Variants in PARD3 observed in about 807,000 individuals in gnomAD.
PARD3 encodes partitioning defective 3 homolog.
Under a neutral mutation model 155.4 loss-of-function variants are expected in PARD3, and 75 were observed. That is an observed-to-expected ratio of 0.48 (90% CI 0.40 to 0.58). The LOEUF is 0.58. PARD3 is among the 20% of genes least tolerant of loss of function. PARD3 has a pLI of 0.00. For missense variants in PARD3, 1,642 were observed against 1,721.7 expected (o/e 0.95, Z 0.82); for synonymous variants, 576 against 610.5 (o/e 0.94, Z 0.83).
intron 21 of PARD3, among the ~76,000 whole-genome samples, chr10:34,279,238 C>G (rs1956046462): frequency 1.4e-5 from 2 of 145,204 alleles, no homozygotes; most frequent in African/African-American, 2.5e-5. Context: ...CAGCCTCGAA[C>G]TCCTGGGCTG....
chr10:34,679,645 C>T (rs1295884625), intron 2 of PARD3, among the ~76,000 whole-genome samples: 1 of 152,168 alleles, frequency 6.6e-6, no homozygotes, highest in Non-Finnish European at 1.5e-5. Flanking sequence ...TGGAACGCCA[C>T]CTCCCATGTC....
intron 1 of PARD3, among the ~76,000 whole-genome samples, chr10:34,771,513 G>A (rs1372451147): frequency 2.0e-5 from 3 of 152,218 alleles, no homozygotes; most frequent in African/African-American, 4.8e-5. Context: ...TTCTGTCAGC[G>A]TGTTAATGCA....
At chr10:34,670,936 C>A (rs1484147019) in intron 2 of PARD3, among the ~76,000 whole-genome samples, 2 of 152,222 alleles carry the variant, frequency 1.3e-5, no homozygotes, top group African/African-American at 4.8e-5. Flanking sequence ...CATTTTACAA[C>A]TGATTACTTC....
chr10:34,802,411 GAGAA>G (rs1842906119), intron 1 of PARD3, among the ~76,000 whole-genome samples: 1 of 152,116 alleles, frequency 6.6e-6, no homozygotes, highest in African/African-American at 2.4e-5. Context: ...GAAACTTGAA[GAGAA>G]AGAAAAAGAT....
chr10:34,628,175 G>A (rs1469396409), intron 2 of PARD3, among the ~76,000 whole-genome samples: 2 of 152,172 alleles, frequency 1.3e-5, no homozygotes, highest in East Asian at 1.9e-4. Flanking sequence ...TTCCTGTTGA[G>A]AGATACTGCA....
At chr10:34,189,714 C>A (rs1454441326) in intron 22 of PARD3, among the ~76,000 whole-genome samples, 7 of 152,230 alleles carry the variant, frequency 4.6e-5, no homozygotes, top group Non-Finnish European at 8.8e-5. Flanking sequence ...GTGAGCTGAA[C>A]TAGCCACCTG....
chr10:34,225,345 T>C (rs575931639), intron 22 of PARD3, among the ~76,000 whole-genome samples: 9 of 147,108 alleles, frequency 6.1e-5, no homozygotes, highest in Admixed American at 4.0e-4. Flanking sequence ...CTAGTTTTTT[T>C]TCTCTTTTTT....
At chr10:34,208,949 ACCT>A (rs1951611412) in intron 22 of PARD3, among the ~76,000 whole-genome samples, 5 of 152,226 alleles carry the variant, frequency 3.3e-5, no homozygotes, top group Admixed American at 3.3e-4. Flanking sequence ...GAATTTAAAT[ACCT>A]CAAGTTCTTT....
chr10:34,799,800 G>A (rs1842674445), intron 1 of PARD3, among the ~76,000 whole-genome samples: 1 of 149,540 alleles, frequency 6.7e-6, no homozygotes, highest in African/African-American at 2.5e-5. Flanking sequence ...AGATCAGCTT[G>A]TGCAGTAAAG....
intron 1 of PARD3, among the ~76,000 whole-genome samples, chr10:34,788,377 T>A (rs979652093): frequency 6.6e-6 from 1 of 151,780 alleles, no homozygotes; most frequent in African/African-American, 2.4e-5. Context: ...ACACCTGATA[T>A]AAGATCAGCC....
chr10:34,253,428 T>C (rs921187249), intron 22 of PARD3, among the ~76,000 whole-genome samples: 3 of 152,158 alleles, frequency 2.0e-5, no homozygotes, highest in South Asian at 2.1e-4. Flanking sequence ...ATTAAAGACA[T>C]TGATATTCTG....
At chr10:34,797,853 CTAAA>C (rs1469282765) in intron 1 of PARD3, among the ~76,000 whole-genome samples, 1 of 152,144 alleles carries the variant, frequency 6.6e-6, no homozygotes, top group Non-Finnish European at 1.5e-5. Context: ...GAGTCAACAG[CTAAA>C]ACCTAAGGAT....
chr10:34,482,633 A>T (rs986704793), intron 3 of PARD3, among the ~76,000 whole-genome samples: 3 of 152,220 alleles, frequency 2.0e-5, no homozygotes, highest in African/African-American at 7.2e-5. Context: ...AGGTATTTAC[A>T]TACCTGGTAC....
chr10:34,323,755 T>C (rs528148094), intron 19 of PARD3, among the ~76,000 whole-genome samples: 2 of 152,216 alleles, frequency 1.3e-5, no homozygotes, highest in Non-Finnish European at 2.9e-5. Context: ...GTCACCTCCA[T>C]TATCCCTCCC....
intron 4 of PARD3, among the ~76,000 whole-genome samples, chr10:34,465,799 T>C (rs1201301145): frequency 6.6e-6 from 1 of 152,116 alleles, no homozygotes; most frequent in African/African-American, 2.4e-5. Flanking sequence ...AACTGCACAG[T>C]GAAATAGTCC....
chr10:34,174,378 G>T (rs886764178), intron 22 of PARD3, among the ~76,000 whole-genome samples: 1 of 152,100 alleles, frequency 6.6e-6, no homozygotes, highest in African/African-American at 2.4e-5. Context: ...CACATAAGCA[G>T]GTAAGTAGTT....
chr10:34,317,488 A>G (rs907775181), intron 19 of PARD3, 150 bp from the exon 20 acceptor site: 24 of 819,250 alleles, frequency 2.9e-5, no homozygotes, highest in Non-Finnish European at 4.4e-5. Context: ...TTTAACTTTG[A>G]GTAGAATTAA....
At chr10:34,579,595 T>TGTGTGTGTGTGTGTGTG (rs1590094034) in intron 2 of PARD3, among the ~76,000 whole-genome samples, 1 of 150,726 alleles carries the variant, frequency 6.6e-6, no homozygotes, top group African/African-American at 2.5e-5. Flanking sequence ...TGTGTGTGTG[T>TGTGTGTGTGTGTGTGTG]TTTGACACGG....
intron 19 of PARD3, among the ~76,000 whole-genome samples, chr10:34,323,628 T>C (rs1052448486): frequency 5.9e-5 from 9 of 152,246 alleles, no homozygotes; most frequent in African/African-American, 2.2e-4. Context: ...AGGATCACTC[T>C]TTTAAAGAGT....
Sources: gnomAD v4.1 joint callset for allele counts (sites outside exome capture counted in the v4.1 genomes callset) on GRCh38, gnomAD v4.1.1 for gene constraint, MANE v1.5 for transcripts, NCBI Gene and HGNC (gene_info 2026-07-23, HGNC 2026-07-21) for gene names.